EXOC6B: variants seen among roughly 807,000 people sequenced by gnomAD.
EXOC6B encodes exocyst complex component 6B.
Under a neutral mutation model 113.5 loss-of-function variants are expected in EXOC6B, and 54 were observed. That is an observed-to-expected ratio of 0.48 (90% CI 0.38 to 0.60). The LOEUF is 0.60. Among genes scored for constraint, EXOC6B ranks in the 20% least tolerant of loss-of-function variants. EXOC6B has a pLI of 0.00. For synonymous variants in EXOC6B, 357 were observed against 339.0 expected, an observed-to-expected ratio of 1.05 and a Z score of -0.58; for missense variants, 797 against 977.5, an observed-to-expected ratio of 0.82 and a Z score of 2.46.
chr2:72,334,324 A>G (rs1386900986), intron 20 of EXOC6B, among the ~76,000 whole-genome samples: 1 of 152,086 alleles, frequency 6.6e-6, no homozygotes, highest in East Asian at 1.9e-4. Flanking sequence ...GGGCTTCCCA[A>G]AGCTCAGGTA....
At chr2:72,785,626 G>T (rs770379366) in intron 1 of EXOC6B, among the ~76,000 whole-genome samples, 1 of 152,214 alleles carries the variant, frequency 6.6e-6, no homozygotes, top group African/African-American at 2.4e-5. Context: ...GCTATACATT[G>T]GCCCCTTTCA....
intron 20 of EXOC6B, among the ~76,000 whole-genome samples, chr2:72,223,488 A>AT (rs1681002199): frequency 6.6e-6 from 1 of 152,116 alleles, no homozygotes; most frequent in African/African-American, 2.4e-5. Context: ...TCCTGTTAAG[A>AT]TTTTTTCCCA....
At chr2:72,634,189 T>C (rs1428118135) in intron 6 of EXOC6B, among the ~76,000 whole-genome samples, 1 of 152,102 alleles carries the variant, frequency 6.6e-6, no homozygotes, top group South Asian at 2.1e-4. Context: ...GCTTTCATGT[T>C]GAGAAACTAC....
chr2:72,318,410 T>C (rs1295819142), intron 20 of EXOC6B, among the ~76,000 whole-genome samples: 2 of 152,134 alleles, frequency 1.3e-5, no homozygotes, highest in African/African-American at 2.4e-5. Flanking sequence ...TTTTTTTTTT[T>C]TGAGACAGAG....
At chr2:72,433,565 G>C (rs1174660980) in intron 18 of EXOC6B, among the ~76,000 whole-genome samples, 2 of 152,084 alleles carry the variant, frequency 1.3e-5, no homozygotes, top group Non-Finnish European at 2.9e-5. Flanking sequence ...ATTTGTTTGT[G>C]TCCTCTCTTA....
chr2:72,766,701 C>G (rs1683078262), intron 1 of EXOC6B, among the ~76,000 whole-genome samples: 1 of 151,924 alleles, frequency 6.6e-6, no homozygotes, highest in Non-Finnish European at 1.5e-5. Context: ...CACCTGTAAT[C>G]CCAGCACTTT....
chr2:72,546,399 G>T (rs1188958905), intron 8 of EXOC6B, among the ~76,000 whole-genome samples: 1 of 152,026 alleles, frequency 6.6e-6, no homozygotes, highest in South Asian at 2.1e-4. Flanking sequence ...CCAAGATGGC[G>T]CCATTGCACT....
chr2:72,223,721 GC>G (rs1270254329), intron 20 of EXOC6B, among the ~76,000 whole-genome samples: 1 of 147,866 alleles, frequency 6.8e-6, no homozygotes, highest in Non-Finnish European at 1.5e-5. Context: ...TTGTTTTAAA[GC>G]AAGAGTCCTG....
chr2:72,341,208 A>AGG (rs576507363), intron 19 of EXOC6B, among the ~76,000 whole-genome samples: 144 of 152,298 alleles, frequency 9.5e-4, no homozygotes, highest in African/African-American at 3.3e-3. Context: ...CGAGAAAGAC[A>AGG]GGGGGCTGTA....
chr2:72,762,966 T>C (rs1462434063), intron 1 of EXOC6B, among the ~76,000 whole-genome samples: 1 of 152,088 alleles, frequency 6.6e-6, no homozygotes, highest in African/African-American at 2.4e-5. Flanking sequence ...CAATAGCATT[T>C]GAAAATACAT....
At chr2:72,385,048 G>C (rs1691917687) in intron 18 of EXOC6B, among the ~76,000 whole-genome samples, 1 of 151,984 alleles carries the variant, frequency 6.6e-6, no homozygotes, top group Non-Finnish European at 1.5e-5. Flanking sequence ...ACCCCAAATA[G>C]CCAAAGCAAT....
chr2:72,379,800 A>C lies in EXOC6B; in HGVS notation c.2051T>G (p.Leu684Trp). Reference sequence around the variant, plus strand: ...GGTGAGCTGCCGCACTTCAGCTTCCAACAAAAGTTGCATCAAGGATGTGGC... The same window carrying C: ...GGTGAGCTGCCGCACTTCAGCTTCCCACAAAAGTTGCATCAAGGATGTGGC... ...HLATSLMQLL[L>W]EAEVRQLTLG... is the part of the protein sequence containing the mutation. Residue 684 changes from leucine (L) to tryptophan (W), a missense_variant, in exon 19 of 22, where the codon TTG (leucine) becomes TGG (tryptophan). Physicochemically the swap from Leu to Trp is moderately conservative, Grantham distance 61. Coordinates refer to ENST00000272427, the MANE Select transcript of EXOC6B (RefSeq NM_015189.3). The C allele has an allele frequency of 6.2e-7, 1 of 1,613,422 alleles. No homozygotes were observed. Among genetic ancestry groups the C allele is most frequent in the Non-Finnish European group, 8.5e-7 (1 of 1,179,644 alleles).
Position 72,403,704 on chromosome 2 carries a change from C to T in EXOC6B, c.1981-23834G>A, listed in dbSNP as rs188507317. Among the ~76,000 whole-genome samples, 433 of 151,976 alleles carry T rather than the reference C, an allele frequency of 2.8e-3. 1 individual carries two copies. The highest frequency in any genetic ancestry group is 3.2e-3 in the Non-Finnish European group (216 of 67,944). ...CTGGGCAAAAGAGCAAGACCCTGTC[C>T]TTAAAAAAGTAAAAAACTTAAAAAT... On this transcript the variant is annotated intron_variant, in intron 18 of 21. Transcript: ENST00000272427.
chr2:72,365,794 C>A (rs1335097551), intron 19 of EXOC6B, among the ~76,000 whole-genome samples: 2 of 152,094 alleles, frequency 1.3e-5, no homozygotes, highest in African/African-American at 4.8e-5. Context: ...GATGACCATA[C>A]TTTGTGTTTC....
chr2:72,487,188 A>G (rs1288781463), intron 16 of EXOC6B, among the ~76,000 whole-genome samples: 1 of 152,156 alleles, frequency 6.6e-6, no homozygotes, highest in Non-Finnish European at 1.5e-5. Context: ...TGAACGCCAT[A>G]CTTTATTCAG....
intron 1 of EXOC6B, among the ~76,000 whole-genome samples, chr2:72,779,394 C>T (rs1052895871): frequency 2.6e-5 from 4 of 151,848 alleles, no homozygotes; most frequent in African/African-American, 9.7e-5. Context: ...ATTTGTTATA[C>T]ATACACAAAT....
chr2:72,198,348 A>G (rs1230832408), intron 20 of EXOC6B, among the ~76,000 whole-genome samples: 1 of 152,150 alleles, frequency 6.6e-6, no homozygotes, highest in East Asian at 1.9e-4. Flanking sequence ...TTTCTCTACT[A>G]GCTGGGTCCA....
At chr2:72,300,656 G>C (rs1321812980) in intron 20 of EXOC6B, among the ~76,000 whole-genome samples, 1 of 152,216 alleles carries the variant, frequency 6.6e-6, no homozygotes, top group Non-Finnish European at 1.5e-5. Flanking sequence ...GGTGGCATAG[G>C]CACCAGAGGG....
chr2:72,768,134 A>T (rs1378493930), intron 1 of EXOC6B, among the ~76,000 whole-genome samples: 1 of 151,054 alleles, frequency 6.6e-6, no homozygotes, highest in Non-Finnish European at 1.5e-5. Flanking sequence ...AAAAAAAAAA[A>T]AAAAGAAAGA....
Sources: gnomAD v4.1 joint callset for allele counts (sites outside exome capture counted in the v4.1 genomes callset) on GRCh38, gnomAD v4.1.1 for gene constraint, MANE v1.5 for transcripts, NCBI Gene and HGNC (gene_info 2026-07-23, HGNC 2026-07-21) for gene names.